The following SOX5 variants were observed in gnomAD, a reference collection of about 807,000 sequenced individuals.
SOX5 encodes the protein SRY-box transcription factor 5.
A neutral mutation model predicts 92.0 loss-of-function variants in SOX5; 9 were observed. That is an observed-to-expected ratio of 0.10 (90% CI 0.06 to 0.17). SOX5 has a LOEUF of 0.17. Among genes scored for constraint, SOX5 ranks in the 10% least tolerant of loss-of-function variants. The pLI, the probability that SOX5 is intolerant of heterozygous loss-of-function variation, is 1.00. For synonymous variants in SOX5, 344 were observed against 336.3 expected (o/e 1.02, Z -0.25); for missense variants, 642 against 944.5 (o/e 0.68, Z 4.20).
At chr12:23,910,968 C>T (rs780244480) in intron 1 of SOX5, among the ~76,000 whole-genome samples, 8 of 152,152 alleles carry the variant, frequency 5.3e-5, no homozygotes, top group Non-Finnish European at 1.2e-4. Context: ...CTTATTCTAA[C>T]TTGCTTCATG....
At chr12:23,535,953 C>T (rs1359725786) in intron 14 of SOX5, among the ~76,000 whole-genome samples, 6 of 152,162 alleles carry the variant, frequency 3.9e-5, no homozygotes, top group Non-Finnish European at 7.3e-5. Flanking sequence ...CCTCCTGTTC[C>T]CAACCTTGTT....
chr12:23,869,917 A>C (rs1050443271), intron 2 of SOX5, among the ~76,000 whole-genome samples: 3 of 152,064 alleles, frequency 2.0e-5, no homozygotes, highest in African/African-American at 7.2e-5. Flanking sequence ...CATTTTCCCC[A>C]CCAGACTGAG....
At chr12:24,533,132 G>GC (rs1476891356) in intron 1 of SOX5, among the ~76,000 whole-genome samples, 1 of 151,816 alleles carries the variant, frequency 6.6e-6, no homozygotes, top group African/African-American at 2.4e-5. Context: ...GCATTTCTAG[G>GC]TTTTTTTTCT....
rs572055472 is a variant in SOX5 at position 24,419,216 on chromosome 12, C to T, written c.-250-50577G>A. Among the ~76,000 whole-genome samples, 7 of 152,258 alleles carry T rather than the reference C, an allele frequency of 4.6e-5. No individual in the cohort carries two copies. In the South Asian group the frequency reaches 1.2e-3, roughly 27 times the overall value. On this transcript the variant is annotated intron_variant, in intron 1 of 4. Transcript: ENST00000446891. ...CCATCTCAGCTCACTGCAACCTCCACCTCCTCGGTTAAGCAACTCTCCTCC... is the reference window on the plus strand; with the variant it reads ...CCATCTCAGCTCACTGCAACCTCCATCTCCTCGGTTAAGCAACTCTCCTCC...
intron 7 of SOX5, among the ~76,000 whole-genome samples, chr12:23,661,386 C>G (rs1278220518): frequency 1.3e-5 from 2 of 152,104 alleles, no homozygotes; most frequent in South Asian, 4.1e-4. Flanking sequence ...TGCAAAGAAG[C>G]CATGTGCTGC....
In SOX5 at chr12:23,895,834, T is replaced by C. The variant is rs1475594370; in HGVS notation, c.229A>G (p.Thr77Ala). ...GAAGTGGGAGTCCTATGGCCACAAG[T>C]CTCTTGCGTCAGCAGAGAAACTGGC... ...FQPVSLLTQE[T>A]CGHRTPTSQH... Residue 77 changes from threonine (T) to alanine (A), a missense_variant, in exon 2 of 15, where the codon ACT becomes GCT. Around this residue, in one of 8 missense-constraint regions of SOX5, gnomAD observed 113 missense variants for 117.7 expected, o/e 0.96. Coordinates refer to ENST00000451604, the MANE Select transcript of SOX5 (RefSeq NM_006940.6). The C allele has an allele frequency of 3.1e-6, 5 of 1,613,896 alleles. No homozygotes were observed. The highest frequency in any genetic ancestry group is 1.7e-5 in the Admixed American group (1 of 59,990).
chr12:23,865,775 G>C (rs1446056762), intron 2 of SOX5, among the ~76,000 whole-genome samples: 1 of 152,160 alleles, frequency 6.6e-6, no homozygotes, highest in Non-Finnish European at 1.5e-5. Context: ...CTTCTGGAAA[G>C]GTTTCATCAT....
intron 3 of SOX5, among the ~76,000 whole-genome samples, chr12:23,773,519 G>A (rs572441700): frequency 9.9e-5 from 15 of 152,158 alleles, no homozygotes; most frequent in African/African-American, 3.1e-4. Flanking sequence ...CTACAGGCAC[G>A]TGCCACCACG....
chr12:24,337,357 G>A (rs1355657192), intron 2 of SOX5, among the ~76,000 whole-genome samples: 1 of 133,494 alleles, frequency 7.5e-6, no homozygotes. Context: ...TTTTTTTTAA[G>A]AGAGAGAGAG....
intron 8 of SOX5, chr12:23,637,982 G>T (rs2079502065): frequency 6.6e-6 from 1 of 152,188 alleles, no homozygotes; most frequent in African/African-American, 2.4e-5. Flanking sequence ...GAAGACTACA[G>T]GTTTCTCCAT....
intron 1 of SOX5, among the ~76,000 whole-genome samples, chr12:24,489,814 G>T (rs1227716522): frequency 1.3e-5 from 2 of 152,162 alleles, no homozygotes; most frequent in Non-Finnish European, 2.9e-5. Flanking sequence ...GGCTACAAAG[G>T]GGTGTATGCT....
chr12:24,503,350 C>T (rs1322476167), intron 1 of SOX5, among the ~76,000 whole-genome samples: 3 of 152,110 alleles, frequency 2.0e-5, no homozygotes, highest in South Asian at 2.1e-4. Flanking sequence ...TGAGCAATGA[C>T]GCATGACCAC....
intron 4 of SOX5, among the ~76,000 whole-genome samples, chr12:24,041,109 GA>G (rs1312548254): frequency 6.6e-6 from 1 of 152,108 alleles, no homozygotes; most frequent in Non-Finnish European, 1.5e-5. Flanking sequence ...GGACATGTAG[GA>G]AAACTGATGT....
chr12:23,581,888 G>GT (rs1950086655), intron 9 of SOX5, among the ~76,000 whole-genome samples: 1 of 150,894 alleles, frequency 6.6e-6, no homozygotes, highest in African/African-American at 2.4e-5. Flanking sequence ...CACAATGATT[G>GT]AAAAAATATA....
intron 3 of SOX5, among the ~76,000 whole-genome samples, chr12:23,817,887 T>A (rs967752358): frequency 1.3e-5 from 2 of 152,184 alleles, no homozygotes; most frequent in Admixed American, 6.5e-5. Context: ...TTCATTAACC[T>A]ATAAAATAAC....
chr12:23,542,253 CTTAT>C (rs1942230294), intron 13 of SOX5, among the ~76,000 whole-genome samples: 3 of 152,136 alleles, frequency 2.0e-5, no homozygotes, highest in Admixed American at 6.5e-5. Context: ...AATTTTGTTA[CTTAT>C]TTGTTAAAAC....
At chr12:23,779,838 CATATGCATACAT>C (rs2095232572) in intron 3 of SOX5, among the ~76,000 whole-genome samples, 4 of 142,212 alleles carry the variant, frequency 2.8e-5, no homozygotes, top group South Asian at 2.3e-4. Context: ...CACACACACA[CATATGCATACAT>C]ACACATAAAT....
intron 12 of SOX5, among the ~76,000 whole-genome samples, chr12:23,545,845 T>C (rs1943029508): frequency 6.7e-6 from 1 of 149,992 alleles, no homozygotes; most frequent in Admixed American, 6.7e-5. Flanking sequence ...GAGACCAGCC[T>C]GGACACCATA....
intron 4 of SOX5, among the ~76,000 whole-genome samples, chr12:24,068,680 ATG>A (rs367765179): frequency 0.019 from 1,222 of 63,130 alleles, 41 homozygotes; most frequent in African/African-American, 0.032. Context: ...TCAAAGTCGT[ATG>A]TGTGTGTGTG....
Sources: allele counts gnomAD v4.1 joint callset (sites outside exome capture counted in the v4.1 genomes callset), GRCh38; gene constraint gnomAD v4.1.1; regional missense constraint gnomAD v4.1.1; transcripts MANE v1.5; gene names NCBI Gene and HGNC (gene_info 2026-07-23, HGNC 2026-07-21).